The following CEP128 variants were observed in gnomAD, a reference collection of about 807,000 sequenced individuals.
CEP128 encodes the protein centrosomal protein 128kDa.
A neutral mutation model predicts 156.7 loss-of-function variants in CEP128; 132 were observed. The observed-to-expected ratio is 0.84, with a 90% CI of 0.73 to 0.97. The LOEUF (loss-of-function observed/expected upper bound fraction) is 0.97, where lower values mean the gene tolerates loss of function less well. CEP128 is among the 50% of genes least tolerant of loss of function. CEP128 has a pLI of 0.00. For synonymous variants in CEP128, 469 were observed against 448.9 expected, an observed-to-expected ratio of 1.04 and a Z score of -0.57; for missense variants, 1,252 against 1,281.9, an observed-to-expected ratio of 0.98 and a Z score of 0.36.
intron 19 of CEP128, among the ~76,000 whole-genome samples, chr14:80,672,538 G>A (rs909493138): frequency 2.6e-5 from 4 of 152,070 alleles, no homozygotes; most frequent in Non-Finnish European, 4.4e-5. Flanking sequence ...GTGTAGGAAC[G>A]GAAGCCATAA....
At position 80,612,194 on chromosome 14, in the gene CEP128, T is replaced by C. The variant is rs1431897216; in HGVS notation, c.2807-31771A>G. Among the ~76,000 whole-genome samples the C allele has an allele frequency of 3.9e-5, 6 of 152,290 alleles. No individual in the cohort carries two copies. In the East Asian group the frequency reaches 5.8e-4, roughly 15 times the overall value. On this transcript the variant is annotated intron_variant, in intron 19 of 24. Transcript: ENST00000555265. ...TTTGCCTTTTAATTATTCTGAAACA[T>C]GGTGTTTTTTTGTCAAATATTCTTG...
intron 20 of CEP128, among the ~76,000 whole-genome samples, chr14:80,574,190 T>G (rs1487897279): frequency 6.6e-6 from 1 of 152,228 alleles, no homozygotes; most frequent in Admixed American, 6.5e-5. Context: ...CTTTAGTATC[T>G]CCCAAGAAAA....
intron 2 of CEP128, chr14:80,958,037 C>T (rs1319922019): frequency 6.6e-6 from 1 of 152,168 alleles, no homozygotes; most frequent in Non-Finnish European, 1.5e-5. Context: ...TGGTAGTCTC[C>T]TTTGAACAAT....
intron 13 of CEP128, among the ~76,000 whole-genome samples, chr14:80,798,517 A>C (rs10133034): frequency 6.6e-6 from 1 of 151,990 alleles, no homozygotes; most frequent in Non-Finnish European, 1.5e-5. Context: ...ATTAGGGGCT[A>C]GTCACTTGGG....
intron 21 of CEP128, 144 bp downstream of exon 21, chr14:80,559,135 C>T (rs1890561750): frequency 2.8e-6 from 2 of 712,030 alleles, no homozygotes; most frequent in South Asian, 3.6e-5. Flanking sequence ...CTTTTAGATA[C>T]AGTTTAGCTT....
At chr14:80,931,237 T>A (rs1336211616) in intron 2 of CEP128, among the ~76,000 whole-genome samples, 1 of 152,224 alleles carries the variant, frequency 6.6e-6, no homozygotes. Flanking sequence ...TGTGTTGGTA[T>A]GTGCACAGAC....
At chr14:80,868,363 C>T (rs1401848349) in intron 8 of CEP128, among the ~76,000 whole-genome samples, 2 of 151,876 alleles carry the variant, frequency 1.3e-5, no homozygotes, top group Admixed American at 6.6e-5. Context: ...ACTGTAACAT[C>T]AATAATGTAA....
rs58339189 is a variant in CEP128, at chr14:80,776,026, G to A, written c.2376+1856C>T. Among the ~76,000 whole-genome samples the A allele has an allele frequency of 7.6e-3, 1,158 of 152,120 alleles. 21 individuals are homozygous for A. Among genetic ancestry groups the A allele is most frequent in the African/African-American group, 0.027 (1,118 of 41,488 alleles). On this transcript the variant is annotated intron_variant, in intron 16 of 24. Transcript: ENST00000555265. ...TTTTTGTATTTTTAGCAGAGACAGG[G>A]CTTCACCACGTTGGCCAGGCTGGTC...
intron 13 of CEP128, among the ~76,000 whole-genome samples, chr14:80,795,279 C>T (rs1883397347): frequency 6.6e-6 from 1 of 152,186 alleles, no homozygotes; most frequent in African/African-American, 2.4e-5. Flanking sequence ...CCACCCTCTT[C>T]CCATAACTCT....
chr14:80,845,529 G>T (rs925099580), intron 9 of CEP128, among the ~76,000 whole-genome samples: 4 of 152,080 alleles, frequency 2.6e-5, no homozygotes, highest in Non-Finnish European at 5.9e-5. Context: ...CTTTCTAAAT[G>T]CAGGGCCACT....
At chr14:80,908,978 G>C (rs1047369750) in intron 4 of CEP128, among the ~76,000 whole-genome samples, 1 of 116,608 alleles carries the variant, frequency 8.6e-6, no homozygotes, top group Non-Finnish European at 1.9e-5. Flanking sequence ...AAAGCTAAAG[G>C]GTTCCTGAAC....
chr14:80,631,864 T>C (rs1319230745), intron 19 of CEP128, among the ~76,000 whole-genome samples: 2 of 152,110 alleles, frequency 1.3e-5, no homozygotes, highest in Non-Finnish European at 2.9e-5. Context: ...GAATTTATTT[T>C]CAATAGTTAG....
At chr14:80,855,375 T>A (rs908746804) in intron 9 of CEP128, among the ~76,000 whole-genome samples, 1 of 152,328 alleles carries the variant, frequency 6.6e-6, no homozygotes, top group African/African-American at 2.4e-5. Flanking sequence ...GTTTGACTTT[T>A]AAACTTTCAT....
intron 22 of CEP128, 133 bp downstream of exon 22, chr14:80,530,676 A>T: frequency 2.0e-6 from 1 of 490,898 alleles, no homozygotes; most frequent in Non-Finnish European, 3.7e-6. Flanking sequence ...AACCCTGATA[A>T]GGTGGTATGT....
At chr14:80,783,372 T>G (rs1289566232) in intron 15 of CEP128, among the ~76,000 whole-genome samples, 1 of 152,142 alleles carries the variant, frequency 6.6e-6, no homozygotes, top group African/African-American at 2.4e-5. Flanking sequence ...TCCCTACCAC[T>G]CTCCTGCTGT....
chr14:80,707,096 G>T (rs1322090482), intron 19 of CEP128, among the ~76,000 whole-genome samples: 2 of 152,126 alleles, frequency 1.3e-5, no homozygotes, highest in Non-Finnish European at 2.9e-5. Context: ...CAATGTTGGT[G>T]GCAGATGTTT....
intron 19 of CEP128, among the ~76,000 whole-genome samples, chr14:80,664,987 G>T (rs953169773): frequency 6.6e-6 from 1 of 152,162 alleles, no homozygotes; most frequent in Non-Finnish European, 1.5e-5. Context: ...ATATCCTACT[G>T]ATCTTTACAA....
At position 80,743,152 on chromosome 14, in the gene CEP128, T is replaced by G; in HGVS notation, c.2729A>C (p.Glu910Ala). The G allele has an allele frequency of 6.2e-7, 1 of 1,613,806 alleles. No homozygotes were observed. The highest frequency in any genetic ancestry group is 8.5e-7 in the Non-Finnish European group (1 of 1,179,838). Reference sequence around the variant, plus strand: ...TTGAAAGAGACACTGCAACTCAGATTCCTTGTTTTCAGTCAAATTCCTGAG... The same window carrying G: ...TTGAAAGAGACACTGCAACTCAGATGCCTTGTTTTCAGTCAAATTCCTGAG... ...QQLRNLTENKESELQCLFQQI... is the reference protein window; with the variant it reads ...QQLRNLTENKASELQCLFQQI... Residue 910 changes from glutamate to alanine, a missense_variant, in exon 19 of 25, where the codon GAA (glutamate) becomes GCA (alanine). Physicochemically the swap from Glu to Ala is moderately radical, Grantham distance 107 (BLOSUM62 -1). Coordinates refer to ENST00000555265, the MANE Select transcript of CEP128 (RefSeq NM_152446.5).
intron 2 of CEP128, among the ~76,000 whole-genome samples, chr14:80,951,012 A>G (rs10132639): frequency 2.5e-4 from 38 of 152,096 alleles, no homozygotes; most frequent in African/African-American, 8.9e-4. Flanking sequence ...CAATGTTTTT[A>G]AAGTACTGAA....
Sources: gnomAD v4.1 joint callset for allele counts (sites outside exome capture counted in the v4.1 genomes callset) on GRCh38, gnomAD v4.1.1 for gene constraint, MANE v1.5 for transcripts, NCBI Gene and HGNC (gene_info 2026-07-23, HGNC 2026-07-21) for gene names.